Variants in TANC2 observed in about 807,000 individuals in gnomAD.
The protein encoded by TANC2 is protein TANC2.
TANC2 carries 26 observed loss-of-function variants against 210.5 expected under a neutral mutation model. The observed-to-expected ratio is 0.12, with a 90% CI of 0.09 to 0.17. The LOEUF (loss-of-function observed/expected upper bound fraction) is 0.17, where lower values mean the gene tolerates loss of function less well. Among genes scored for constraint, TANC2 ranks in the 10% least tolerant of loss-of-function variants. The probability of loss-of-function intolerance (pLI) is 1.00; values close to 1 mark genes in which losing one functional copy is unlikely to be tolerated. For missense variants in TANC2, 2,129 were observed against 2,608.9 expected (o/e 0.82, Z 4.01); for synonymous variants, 931 against 967.1 (o/e 0.96, Z 0.69).
At chr17:63,178,796 G>C (rs1312838533) in intron 5 of TANC2, among the ~76,000 whole-genome samples, 1 of 152,162 alleles carries the variant, frequency 6.6e-6, no homozygotes, top group African/African-American at 2.4e-5. Context: ...AGAGAGTCTG[G>C]GGAACTAGAG....
At chr17:63,019,153 T>G (rs2034242395) in intron 2 of TANC2, among the ~76,000 whole-genome samples, 1 of 152,170 alleles carries the variant, frequency 6.6e-6, no homozygotes, top group African/African-American at 2.4e-5. Context: ...CAGCAATGTA[T>G]AAGTAATTCA....
intron 9 of TANC2, among the ~76,000 whole-genome samples, chr17:63,295,402 A>ATAGC (rs2044504646): frequency 6.6e-6 from 1 of 152,268 alleles, no homozygotes; most frequent in Non-Finnish European, 1.5e-5. Context: ...TTTCTCAGAA[A>ATAGC]CTGAGGCCTT....
At chr17:63,197,776 G>C (rs2041394035) in intron 6 of TANC2, 1 of 152,194 alleles carries the variant, frequency 6.6e-6, no homozygotes, top group Non-Finnish European at 1.5e-5. Flanking sequence ...AGGGCAATGG[G>C]AAAAACACTG....
At position 63,200,969 on chromosome 17, in the gene TANC2, T is replaced by A; in HGVS notation, c.769+12T>A. 6.3e-7 allele frequency: 1 copy of A among 1,590,410 alleles called. No individual in the cohort carries two copies. The highest frequency in any genetic ancestry group is 8.5e-7 in the Non-Finnish European group (1 of 1,170,058). On this transcript the variant is annotated intron_variant, in intron 7 of 27. Transcript: ENST00000689528. ...TAGTGGCATCATTGGTGAGTTGGTT[T>A]TTATATTGATAATTTTGTGTCCTTT...
chr17:63,340,065 G>C, intron 11 of TANC2, 36 bp from the exon 12 acceptor site: 1 of 1,506,592 alleles, frequency 6.6e-7, no homozygotes, highest in Admixed American at 1.7e-5. Context: ...TCTTACTACT[G>C]ATAAGCCTGT....
intron 8 of TANC2, among the ~76,000 whole-genome samples, chr17:63,239,690 A>G (rs530633441): frequency 2.3e-4 from 35 of 152,326 alleles, no homozygotes; most frequent in Non-Finnish European, 4.0e-4. Flanking sequence ...ATGTCATATT[A>G]GAATCCTAGA....
At chr17:63,183,845 A>G (rs988089257) in intron 5 of TANC2, among the ~76,000 whole-genome samples, 1 of 152,110 alleles carries the variant, frequency 6.6e-6, no homozygotes, top group Non-Finnish European at 1.5e-5. Flanking sequence ...GTGAAACCCC[A>G]TCTCTACGAA....
intron 2 of TANC2, among the ~76,000 whole-genome samples, chr17:63,011,650 C>T (rs1433085893): frequency 2.0e-5 from 3 of 152,000 alleles, no homozygotes; most frequent in Non-Finnish European, 4.4e-5. Flanking sequence ...GTGAATTGAC[C>T]TTTTTAAAAC....
At chr17:62,969,362 C>T (rs2031554623) in intron 1 of TANC2, among the ~76,000 whole-genome samples, 1 of 152,216 alleles carries the variant, frequency 6.6e-6, no homozygotes, top group South Asian at 2.1e-4. Context: ...GCTCCAGAAC[C>T]TGTGCTCCTC....
At chr17:63,022,354 A>AG (rs398031303) in intron 2 of TANC2, among the ~76,000 whole-genome samples, 1 of 151,608 alleles carries the variant, frequency 6.6e-6, no homozygotes. Context: ...AAAAAAAAAA[A>AG]GAATGACAAA....
intron 7 of TANC2, among the ~76,000 whole-genome samples, chr17:63,224,534 C>T (rs980193378): frequency 2.6e-5 from 4 of 152,148 alleles, no homozygotes; most frequent in East Asian, 1.9e-4. Flanking sequence ...CCACCACACC[C>T]GTCCCAGCCT....
At chr17:63,409,557 G>T (rs984821294) in intron 21 of TANC2, among the ~76,000 whole-genome samples, 1 of 152,208 alleles carries the variant, frequency 6.6e-6, no homozygotes, top group African/African-American at 2.4e-5. Flanking sequence ...AAGGGGAGAT[G>T]TTCAGAGAAA....
chr17:63,163,217 T>C (rs969276498), intron 5 of TANC2, among the ~76,000 whole-genome samples: 3 of 152,108 alleles, frequency 2.0e-5, no homozygotes, highest in Non-Finnish European at 4.4e-5. Flanking sequence ...CAAGTGGTTG[T>C]CAGAGGCATT....
intron 7 of TANC2, among the ~76,000 whole-genome samples, chr17:63,234,124 T>C (rs2042554414): frequency 6.6e-6 from 1 of 152,200 alleles, no homozygotes; most frequent in Admixed American, 6.5e-5. Flanking sequence ...AGTACCTATT[T>C]AATTGTTTCA....
intron 9 of TANC2, among the ~76,000 whole-genome samples, chr17:63,268,356 T>G (rs1213368321): frequency 6.6e-6 from 1 of 152,346 alleles, no homozygotes; most frequent in East Asian, 1.9e-4. Flanking sequence ...ATTCCACACC[T>G]AGCTTCATGT....
rs997704205 is a variant in TANC2 at position 63,177,278 on chromosome 17, A to C, written c.434-16713A>C. On this transcript the variant is annotated intron_variant, in intron 5 of 27. Coordinates refer to ENST00000689528, the Ensembl canonical transcript of TANC2. ...AGACTCTGTCTCAAAAAAAAAAAAA[A>C]AAAAACACAAAATTTATTGAATTGT... is the stretch of plus-strand genomic sequence containing the variant. Among the ~76,000 whole-genome samples, 156 of 151,652 alleles carry C rather than the reference A, an allele frequency of 1.0e-3. 1 individual carries two copies. Among genetic ancestry groups the C allele is most frequent in the Non-Finnish European group, 1.8e-3 (124 of 67,908 alleles).
chr17:63,071,358 C>T (rs982685954), intron 2 of TANC2, among the ~76,000 whole-genome samples: 5 of 152,032 alleles, frequency 3.3e-5, no homozygotes, highest in Non-Finnish European at 7.4e-5. Flanking sequence ...GTGATCATAG[C>T]ATAGCTCATT....
At position 63,003,192 on chromosome 17, in the gene TANC2, G is replaced by A. The variant is rs142959266; in HGVS notation, c.-23-6345G>A. On this transcript the variant is annotated intron_variant, in intron 1 of 27. Coordinates refer to ENST00000689528, the Ensembl canonical transcript of TANC2. ...TATAGTGGATAGCTAATTATAATTT[G>A]TATTTCTGCAATGACATATAATGTT... Among the ~76,000 whole-genome samples, 45 of 152,230 alleles carry A rather than the reference G, an allele frequency of 3.0e-4. No individual in the cohort carries two copies. In the East Asian group the frequency reaches 7.1e-3, roughly 24 times the overall value.
chr17:63,063,228 C>T (rs549066894), intron 2 of TANC2, among the ~76,000 whole-genome samples: 116 of 152,348 alleles, frequency 7.6e-4, no homozygotes, highest in African/African-American at 2.7e-3. Context: ...CTTGGGGGCA[C>T]ACCACTGTGC....
Sources: allele counts gnomAD v4.1 joint callset (sites outside exome capture counted in the v4.1 genomes callset), GRCh38; gene constraint gnomAD v4.1.1; transcripts MANE v1.5; gene names NCBI Gene and HGNC (gene_info 2026-07-23, HGNC 2026-07-21).